Variants in PAPPA2 observed in about 807,000 individuals in gnomAD.
The protein encoded by PAPPA2 is pappalysin-2.
PAPPA2 carries 86 observed loss-of-function variants against 176.4 expected under a neutral mutation model. That is an observed-to-expected ratio of 0.49 (90% CI 0.41 to 0.58). The LOEUF is 0.58. Ranked by LOEUF, PAPPA2 falls within the 20% of genes least tolerant of loss-of-function variation. PAPPA2 has a pLI of 0.00. For missense variants in PAPPA2, 2,073 were observed against 2,256.9 expected, an observed-to-expected ratio of 0.92 and a Z score of 1.65; for synonymous variants, 809 against 852.2, an observed-to-expected ratio of 0.95 and a Z score of 0.88.
intron 1 of PAPPA2, among the ~76,000 whole-genome samples, chr1:176,497,018 C>A (rs1647669107): frequency 6.6e-6 from 1 of 152,066 alleles, no homozygotes; most frequent in Non-Finnish European, 1.5e-5. Flanking sequence ...TTTGGACTTA[C>A]ATCTATTACA....
At chr1:176,636,272 T>C (rs1179016252) in intron 3 of PAPPA2, among the ~76,000 whole-genome samples, 1 of 152,166 alleles carries the variant, frequency 6.6e-6, no homozygotes, top group East Asian at 1.9e-4. Context: ...ATTGTTTCCA[T>C]ATTTTAACTG....
chr1:176,701,085 A>G (rs919325491), intron 8 of PAPPA2, among the ~76,000 whole-genome samples: 13 of 146,282 alleles, frequency 8.9e-5, no homozygotes, highest in Non-Finnish European at 1.4e-4. Flanking sequence ...CACATGTTTA[A>G]GGCCAATAAT....
chr1:176,633,261 G>A (rs1415336499), intron 3 of PAPPA2, among the ~76,000 whole-genome samples: 2 of 152,084 alleles, frequency 1.3e-5, no homozygotes, highest in Non-Finnish European at 2.9e-5. Flanking sequence ...CTATAGATGG[G>A]GCTGAGTGTG....
intron 2 of PAPPA2, among the ~76,000 whole-genome samples, chr1:176,581,555 A>G (rs1652960976): frequency 6.6e-6 from 1 of 152,174 alleles, no homozygotes; most frequent in African/African-American, 2.4e-5. Flanking sequence ...TTTTGTTAGC[A>G]TGGTCATTTT....
intron 11 of PAPPA2, among the ~76,000 whole-genome samples, chr1:176,711,455 C>G (rs542642217): frequency 1.5e-4 from 23 of 152,196 alleles, no homozygotes; most frequent in African/African-American, 5.5e-4. Context: ...TCAGTGGTTC[C>G]CTAACTCAGT....
Position 176,805,991 on chromosome 1 carries a change from C to CAAA in PAPPA2, c.5202+5880_5202+5882dup, listed in dbSNP as rs11439850. On this transcript the variant is annotated intron_variant, in intron 21 of 22. Coordinates refer to ENST00000367662, the MANE Select transcript of PAPPA2 (RefSeq NM_020318.3). ...TGCCAGAGCAAAACCCTGTCTCTCT[C>CAAA]AAAAAAAAAAAAAAAAAAAAAAAGG... Among the ~76,000 whole-genome samples the CAAA allele has an allele frequency of 3.6e-3, 273 of 76,062 alleles. 4 individuals are homozygous for CAAA. Among genetic ancestry groups the CAAA allele is most frequent in the African/African-American group, 0.011 (203 of 18,622 alleles). 49.9% of individuals were successfully genotyped at this position (76,062 alleles called of 152,430 possible).
chr1:176,808,780 G>A (rs956628411), intron 21 of PAPPA2, among the ~76,000 whole-genome samples: 2 of 151,982 alleles, frequency 1.3e-5, no homozygotes, highest in Non-Finnish European at 2.9e-5. Flanking sequence ...GGCCAAAAAA[G>A]TGATATAAAA....
chr1:176,647,648 C>T (rs922065558), intron 3 of PAPPA2, among the ~76,000 whole-genome samples: 44 of 151,768 alleles, frequency 2.9e-4, no homozygotes, highest in African/African-American at 1.0e-3. Context: ...CCAGTTTTCC[C>T]AGCACTATTT....
intron 21 of PAPPA2, among the ~76,000 whole-genome samples, chr1:176,802,083 C>T (rs932795028): frequency 1.3e-5 from 2 of 152,130 alleles, no homozygotes; most frequent in African/African-American, 2.4e-5. Context: ...CTCAGGCCCC[C>T]GAATACCTAC....
intron 8 of PAPPA2, among the ~76,000 whole-genome samples, chr1:176,699,977 A>G (rs996637579): frequency 1.1e-4 from 16 of 152,290 alleles, no homozygotes; most frequent in African/African-American, 3.4e-4. Flanking sequence ...GGTATAGTCA[A>G]TTCTTCTATT....
In PAPPA2 at chr1:176,623,576, C is replaced by CCTTCCTTCCT. The variant is rs1558478866; in HGVS notation, c.1991+27981_1991+27982insCTTCCTTCCT. ...ATTTTCCCCTTCCTTCCTTCCTTCC[C>CCTTCCTTCCT]TCCTTCCTTCCTTCCTTCCTTCCTT... On this transcript the variant is annotated intron_variant, in intron 3 of 22. Transcript: ENST00000367662. 1.1e-4 allele frequency among the ~76,000 whole-genome samples: 9 copies of CCTTCCTTCCT among 84,980 alleles called. 1 individual carries two copies. The highest frequency in any genetic ancestry group is 3.2e-4 in the African/African-American group (5 of 15,776). 55.8% of individuals were successfully genotyped at this position (84,980 alleles called of 152,430 possible).
chr1:176,575,418 C>A (rs1474928464), intron 2 of PAPPA2, among the ~76,000 whole-genome samples: 1 of 152,204 alleles, frequency 6.6e-6, no homozygotes, highest in Admixed American at 6.5e-5. Flanking sequence ...TGTCTTACCT[C>A]TGAAATCCTT....
intron 1 of PAPPA2, among the ~76,000 whole-genome samples, chr1:176,521,318 C>T (rs999240138): frequency 2.0e-5 from 3 of 152,194 alleles, no homozygotes; most frequent in Non-Finnish European, 2.9e-5. Context: ...TCTGCTTTCA[C>T]CTTTCATGGA....
rs531116481 is a variant in PAPPA2, at chr1:176,778,696, A to G, written c.4715+7516A>G. 2.3e-4 allele frequency among the ~76,000 whole-genome samples: 35 copies of G among 152,302 alleles called. 1 individual carries two copies. The highest frequency in any genetic ancestry group is 1.5e-3 in the South Asian group (7 of 4,818). On this transcript the variant is annotated intron_variant, in intron 17 of 22. Transcript: ENST00000367662. ...AGGTGCTAAACCTATACACTTATAT[A>G]CACATGTTCTATCTATGATTGCTCA... is the stretch of plus-strand genomic sequence containing the variant.
chr1:176,592,660 C>T (rs1258696149), intron 2 of PAPPA2, among the ~76,000 whole-genome samples: 1 of 152,198 alleles, frequency 6.6e-6, no homozygotes, highest in Middle Eastern at 3.4e-3. Context: ...TATGTCAAGC[C>T]TAACAATTTA....
intron 3 of PAPPA2, among the ~76,000 whole-genome samples, chr1:176,656,348 C>G (rs773080147): frequency 1.6e-4 from 24 of 151,744 alleles, no homozygotes; most frequent in Admixed American, 4.0e-4. Flanking sequence ...TTTATAGGAC[C>G]TGCTGCCACT....
At chr1:176,560,801 C>T (rs1298733447) in intron 2 of PAPPA2, among the ~76,000 whole-genome samples, 1 of 152,206 alleles carries the variant, frequency 6.6e-6, no homozygotes, top group Non-Finnish European at 1.5e-5. Flanking sequence ...TAATAGGTTC[C>T]TCCTCACCCA....
In PAPPA2 at chr1:176,490,899, C is replaced by A. The variant is rs552369469; in HGVS notation, c.-917+27481C>A. Among the ~76,000 whole-genome samples, 15 of 152,286 alleles carry A rather than the reference C, an allele frequency of 9.8e-5. 1 individual carries two copies. The South Asian group carries it at 3.1e-3, about 32-fold the overall frequency. On this transcript the variant is annotated intron_variant, in intron 1 of 22. Transcript: ENST00000367662. ...CTTTGTTTTGGTTTTTGTTACCATG[C>A]ATCCCAGTCTGAAATATGGACTAAC...
At chr1:176,583,225 T>C (rs1414752111) in intron 2 of PAPPA2, among the ~76,000 whole-genome samples, 1 of 152,086 alleles carries the variant, frequency 6.6e-6, no homozygotes, top group East Asian at 1.9e-4. Context: ...CTTTTGTTTA[T>C]TTTTCCTTTT....
Sources: gnomAD v4.1 joint callset for allele counts (sites outside exome capture counted in the v4.1 genomes callset) on GRCh38, gnomAD v4.1.1 for gene constraint, MANE v1.5 for transcripts, NCBI Gene and HGNC (gene_info 2026-07-23, HGNC 2026-07-21) for gene names.